PDE1C: variants seen among roughly 807,000 people sequenced by gnomAD.
The protein encoded by PDE1C is phosphodiesterase 1C.
Under a neutral mutation model 93.1 loss-of-function variants are expected in PDE1C, and 62 were observed. The observed-to-expected ratio is 0.67, with a 90% CI of 0.54 to 0.82. The LOEUF (loss-of-function observed/expected upper bound fraction) is 0.82, where lower values mean the gene tolerates loss of function less well. Ranked by LOEUF, PDE1C falls within the 40% of genes least tolerant of loss-of-function variation. PDE1C has a pLI of 0.00. For synonymous variants in PDE1C, 325 were observed against 310.1 expected (o/e 1.05, Z -0.50); for missense variants, 742 against 884.6 (o/e 0.84, Z 2.04).
intron 14 of PDE1C, among the ~76,000 whole-genome samples, chr7:31,821,091 C>T (rs891617128): frequency 3.9e-5 from 6 of 152,016 alleles, no homozygotes; most frequent in Non-Finnish European, 8.8e-5. Context: ...ACAAGATATC[C>T]GTAACACCAG....
intron 2 of PDE1C, among the ~76,000 whole-genome samples, chr7:32,205,743 C>T (rs981715023): frequency 2.0e-5 from 3 of 152,170 alleles, no homozygotes; most frequent in Non-Finnish European, 4.4e-5. Context: ...CAGTTTCACT[C>T]CTGAAGCCAG....
In PDE1C at chr7:31,768,997, C is replaced by T. The variant is rs1489751717; in HGVS notation, c.1960+6667G>A. On this transcript the variant is annotated intron_variant, in intron 17 of 17. Coordinates refer to ENST00000396191, the MANE Select transcript of PDE1C (RefSeq NM_001191057.4). ...TTTTAGTAGAGATGGGGTTTTGTCACGTTGGCTAGGCTGGTCTTGAACTCC... is the reference window on the plus strand; with the variant it reads ...TTTTAGTAGAGATGGGGTTTTGTCATGTTGGCTAGGCTGGTCTTGAACTCC... Among the ~76,000 whole-genome samples the T allele has an allele frequency of 3.3e-5, 5 of 151,932 alleles. No homozygotes were observed. In the East Asian group the frequency reaches 7.7e-4, roughly 24 times the overall value.
intron 3 of PDE1C, among the ~76,000 whole-genome samples, chr7:32,115,684 A>G (rs1223459773): frequency 6.6e-6 from 1 of 152,234 alleles, no homozygotes; most frequent in Non-Finnish European, 1.5e-5. Context: ...ACAATCTGCC[A>G]AATAGTTGGT....
chr7:32,310,609 T>G (rs867018795), intron 1 of PDE1C, among the ~76,000 whole-genome samples: 1 of 152,194 alleles, frequency 6.6e-6, no homozygotes, highest in Middle Eastern at 3.4e-3. Flanking sequence ...CACTCAAAAC[T>G]GCTCAACTAC....
At chr7:32,298,293 G>T (rs1812755648) in intron 1 of PDE1C, among the ~76,000 whole-genome samples, 1 of 151,918 alleles carries the variant, frequency 6.6e-6, no homozygotes, top group South Asian at 2.1e-4. Context: ...CCCTCTCTCG[G>T]CACTATCTTC....
At chr7:32,297,997 C>T (rs1316448573) in intron 1 of PDE1C, among the ~76,000 whole-genome samples, 8 of 7,866 alleles carry the variant, frequency 1.0e-3, no homozygotes, top group South Asian at 5.7e-3. Flanking sequence ...CTCTCTCTCT[C>T]CTCTCTCTCT....
Position 31,752,392 on chromosome 7 carries a change from C to T in PDE1C, c.*992G>A, listed in dbSNP as rs886685543. The T allele has an allele frequency of 6.6e-6, 1 of 152,058 alleles. No homozygotes were observed. Among genetic ancestry groups the T allele is most frequent in the Non-Finnish European group, 1.5e-5 (1 of 68,008 alleles). The allele number at this position is 152,058 out of a possible 1,614,324, so 9.4% of individuals were successfully genotyped here. On this transcript the variant is annotated 3_prime_UTR_variant, in exon 18 of 18. Coordinates refer to ENST00000396191, the MANE Select transcript of PDE1C (RefSeq NM_001191057.4). ...ACAACTGTGAGAACAATCAGGATCT[C>T]AAGGGCTTTAGATATGTAGCGTGCT...
In PDE1C at chr7:31,759,775, AT is replaced by A. The variant is rs1751472321; in HGVS notation, c.1961-6223del. Reference sequence around the variant, plus strand: ...AGGAGTTTTAACTCTCAATTGTTTAATTATTTTTCATAAATATAACAATTTC... The same window carrying A: ...AGGAGTTTTAACTCTCAATTGTTTAATATTTTTCATAAATATAACAATTTC... On this transcript the variant is annotated intron_variant, in intron 17 of 17. Transcript: ENST00000396191. Among the ~76,000 whole-genome samples, 3 of 152,206 alleles carry A rather than the reference AT, an allele frequency of 2.0e-5. No homozygotes were observed. The South Asian group carries it at 6.2e-4, about 31-fold the overall frequency.
chr7:32,309,017 T>C (rs1192786261), intron 1 of PDE1C, among the ~76,000 whole-genome samples: 2 of 151,712 alleles, frequency 1.3e-5, no homozygotes, highest in African/African-American at 2.4e-5. Flanking sequence ...ATTAGATGAA[T>C]GGATAACTAG....
intron 1 of PDE1C, among the ~76,000 whole-genome samples, chr7:32,256,550 A>G (rs1420471597): frequency 6.6e-6 from 1 of 152,200 alleles, no homozygotes; most frequent in East Asian, 1.9e-4. Flanking sequence ...TCCTTCTGCC[A>G]ACATCTCTAC....
At chr7:31,968,762 T>C (rs117638082) in intron 2 of PDE1C, among the ~76,000 whole-genome samples, 2,911 of 152,164 alleles carry the variant, frequency 0.019, 48 homozygotes, top group Non-Finnish European at 0.03. Flanking sequence ...TGAAACAGCA[T>C]GGTATGGTAC....
At chr7:32,274,378 T>TTTC (rs1037899051) in intron 1 of PDE1C, among the ~76,000 whole-genome samples, 1 of 150,134 alleles carries the variant, frequency 6.7e-6, no homozygotes, top group Non-Finnish European at 1.5e-5. Flanking sequence ...TGGCCTTTTT[T>TTTC]TTTTTTTTTC....
intron 3 of PDE1C, among the ~76,000 whole-genome samples, chr7:32,161,558 C>T (rs1007068025): frequency 9.2e-5 from 14 of 151,912 alleles, no homozygotes; most frequent in African/African-American, 3.1e-4. Context: ...TAGTTTGGTC[C>T]AAGCTGATCT....
intron 3 of PDE1C, among the ~76,000 whole-genome samples, chr7:32,085,123 A>G (rs1375904464): frequency 6.6e-6 from 1 of 151,220 alleles, no homozygotes; most frequent in East Asian, 1.9e-4. Context: ...AATAAAGAAA[A>G]AAAGAGAGAA....
intron 2 of PDE1C, among the ~76,000 whole-genome samples, chr7:31,935,152 TATCCATTCTAAAATGTCAAGACAC>T (rs1405855216): frequency 3.9e-5 from 6 of 152,202 alleles, no homozygotes; most frequent in Non-Finnish European, 7.3e-5. Context: ...TACAGGGGTC[TATCCATTCTAAAATGTCAAGACAC>T]AGAAATAGTG....
intron 16 of PDE1C, among the ~76,000 whole-genome samples, chr7:31,780,782 C>T (rs969670146): frequency 1.1e-4 from 16 of 146,380 alleles, no homozygotes; most frequent in African/African-American, 2.3e-4. Context: ...TGTGCGCATG[C>T]GTGTGTGTGC....
At chr7:31,790,070 A>G in intron 16 of PDE1C, 1 of 1,426,280 alleles carries the variant, frequency 7.0e-7, no homozygotes, top group Non-Finnish European at 9.2e-7. Context: ...CATCCCCTGG[A>G]AGGAGATGGT....
At chr7:32,380,362 C>T (rs950990280) in intron 1 of PDE1C, among the ~76,000 whole-genome samples, 1 of 151,242 alleles carries the variant, frequency 6.6e-6, no homozygotes, top group African/African-American at 2.4e-5. Context: ...CTCAGCCTCA[C>T]GAGTAGCTGG....
intron 1 of PDE1C, among the ~76,000 whole-genome samples, chr7:32,371,923 TCCC>T (rs1255994228): frequency 6.6e-6 from 1 of 152,062 alleles, no homozygotes; most frequent in Non-Finnish European, 1.5e-5. Flanking sequence ...AACTCACCCT[TCCC>T]AATTTCAAAA....
Sources: gnomAD v4.1 joint callset for allele counts (sites outside exome capture counted in the v4.1 genomes callset) on GRCh38, gnomAD v4.1.1 for gene constraint, MANE v1.5 for transcripts, NCBI Gene and HGNC (gene_info 2026-07-23, HGNC 2026-07-21) for gene names.